Variants in ELOVL2 observed in about 807,000 individuals in gnomAD.
ELOVL2 encodes very long chain fatty acid elongase 2.
In ELOVL2, 38 loss-of-function variants were observed where a neutral mutation model predicts 37.7. That is an observed-to-expected ratio of 1.01 (90% CI 0.78 to 1.32). The LOEUF (loss-of-function observed/expected upper bound fraction) is 1.32, where lower values mean the gene tolerates loss of function less well. Among genes scored for constraint, ELOVL2 ranks in the 40% most tolerant of loss-of-function variants. The pLI, the probability that ELOVL2 is intolerant of heterozygous loss-of-function variation, is 0.00. For missense variants in ELOVL2, 352 were observed against 363.6 expected, an observed-to-expected ratio of 0.97 and a Z score of 0.26; for synonymous variants, 115 against 122.3, an observed-to-expected ratio of 0.94 and a Z score of 0.40.
chr6:11,002,109 T>G (rs1200833995), intron 3 of ELOVL2, among the ~76,000 whole-genome samples: 2 of 152,174 alleles, frequency 1.3e-5, no homozygotes, highest in Admixed American at 1.3e-4. Flanking sequence ...AGCTTTCCAT[T>G]ACACTTAGAG....
chr6:11,011,524 C>A lies in ELOVL2; in HGVS notation c.4-715G>T, dbSNP rs75335638. ...AACATCTGTTTCCACAAAATATATT[C>A]ATAAATCCAGTTTTAAAATGAAAAT... On this transcript the variant is annotated intron_variant, in intron 1 of 7. Transcript: ENST00000354666. Among the ~76,000 whole-genome samples, 454 of 152,274 alleles carry A rather than the reference C, an allele frequency of 3.0e-3. 3 individuals carry two copies. Among genetic ancestry groups the A allele is most frequent in the South Asian group, 0.021 (100 of 4,822 alleles).
At chr6:11,037,473 A>T (rs1399696001) in intron 1 of ELOVL2, among the ~76,000 whole-genome samples, 1 of 151,978 alleles carries the variant, frequency 6.6e-6, no homozygotes, top group Non-Finnish European at 1.5e-5. Flanking sequence ...ACCATATATG[A>T]TATCAAAATT....
At chr6:11,019,762 T>C (rs1301711920) in intron 1 of ELOVL2, among the ~76,000 whole-genome samples, 1 of 150,346 alleles carries the variant, frequency 6.7e-6, no homozygotes, top group African/African-American at 2.5e-5. Flanking sequence ...GTTTGTTTTT[T>C]TGATAGAGTC....
Position 10,982,685 on chromosome 6 carries a change from G to A in ELOVL2, c.*1096C>T, listed in dbSNP as rs1781960855. ...TGCCAAACTGGCATTTTTTATCGTG[G>A]CTCATGACCGGCCCACGGCTCAGTG... On this transcript the variant is annotated 3_prime_UTR_variant, in exon 8 of 8. Transcript: ENST00000354666. 1 of 152,152 alleles carries A rather than the reference G, an allele frequency of 6.6e-6. No individual in the cohort carries two copies. The highest frequency in any genetic ancestry group is 2.1e-4 in the South Asian group (1 of 4,832). The allele number at this position is 152,152 out of a possible 1,614,324, so 9.4% of individuals were successfully genotyped here.
At chr6:10,983,932 G>C (rs766850068) in intron 7 of ELOVL2, 26 bp from the exon 8 acceptor site, 6 of 1,584,014 alleles carry the variant, frequency 3.8e-6, no homozygotes, top group Non-Finnish European at 5.1e-6. Context: ...ATTTTGAAGA[G>C]AAAAATAAAA....
At chr6:11,021,153 G>T (rs993500535) in intron 1 of ELOVL2, among the ~76,000 whole-genome samples, 2 of 152,196 alleles carry the variant, frequency 1.3e-5, no homozygotes, top group Admixed American at 6.5e-5. Flanking sequence ...CAAATCCTCA[G>T]ATGTCCTCTT....
intron 6 of ELOVL2, 106 bp from the exon 7 acceptor site, chr6:10,989,943 A>G: frequency 1.5e-6 from 2 of 1,322,474 alleles, no homozygotes; most frequent in South Asian, 2.9e-5. Flanking sequence ...GACTCTTGGA[A>G]TTATGTAGGA....
At chr6:11,027,713 GATAA>G (rs1782859627) in intron 1 of ELOVL2, among the ~76,000 whole-genome samples, 7 of 33,706 alleles carry the variant, frequency 2.1e-4, no homozygotes, top group African/African-American at 4.1e-4. Context: ...AGCAGCCTAA[GATAA>G]GGAAATTCAA....
chr6:11,034,685 T>C (rs577430785), intron 1 of ELOVL2, among the ~76,000 whole-genome samples: 2 of 144,750 alleles, frequency 1.4e-5, no homozygotes, highest in South Asian at 4.4e-4. Context: ...TTTTTCTCAA[T>C]AAATAAATAA....
intron 3 of ELOVL2, among the ~76,000 whole-genome samples, chr6:11,001,165 TAG>T (rs777100360): frequency 1.6e-4 from 25 of 152,232 alleles, no homozygotes; most frequent in Non-Finnish European, 2.5e-4. Context: ...AATTAATTGT[TAG>T]AGAGAGAGAG....
At chr6:10,984,266 C>T (rs1234126816) in intron 7 of ELOVL2, among the ~76,000 whole-genome samples, 8 of 152,188 alleles carry the variant, frequency 5.3e-5, no homozygotes, top group Admixed American at 2.6e-4. Flanking sequence ...GATCCACCCG[C>T]CTCGGCCTCC....
At chr6:11,041,432 G>A (rs1783095993) in intron 1 of ELOVL2, among the ~76,000 whole-genome samples, 2 of 152,094 alleles carry the variant, frequency 1.3e-5, no homozygotes, top group Non-Finnish European at 2.9e-5. Flanking sequence ...TACCCAACTG[G>A]ATACTTTAAA....
chr6:11,007,951 A>C (rs1420887653), intron 2 of ELOVL2, among the ~76,000 whole-genome samples: 1 of 152,190 alleles, frequency 6.6e-6, no homozygotes, highest in African/African-American at 2.4e-5. Context: ...TAGTTGTTTT[A>C]GCCAAAAGAT....
intron 3 of ELOVL2, among the ~76,000 whole-genome samples, chr6:11,003,284 C>T (rs1782422300): frequency 6.6e-6 from 1 of 152,176 alleles, no homozygotes; most frequent in African/African-American, 2.4e-5. Context: ...AGGTATTTGT[C>T]CCAGTGCTCT....
chr6:11,025,010 A>G (rs1294964664), intron 1 of ELOVL2, among the ~76,000 whole-genome samples: 1 of 152,216 alleles, frequency 6.6e-6, no homozygotes, highest in Admixed American at 6.5e-5. Flanking sequence ...TGGAAACTAA[A>G]GATTTCAGTG....
chr6:11,011,599 CT>C (rs1782584717), intron 1 of ELOVL2, among the ~76,000 whole-genome samples: 1 of 152,170 alleles, frequency 6.6e-6, no homozygotes, highest in South Asian at 2.1e-4. Context: ...TTAAGTAGGA[CT>C]GTTTTTCAAG....
rs113143160 is a variant in ELOVL2, at chr6:11,029,333, C to G, written c.3+14895G>C. Among the ~76,000 whole-genome samples, 1,203 of 151,596 alleles carry G rather than the reference C, an allele frequency of 7.9e-3. 22 individuals carry two copies. The highest frequency in any genetic ancestry group is 0.028 in the African/African-American group (1,150 of 41,218). ...TTTTGGCTCTGACACTAAGTCGCTG[C>G]GTAACTTTGGGCCAAATGTTATCTT... On this transcript the variant is annotated intron_variant, in intron 1 of 7. Coordinates refer to ENST00000354666, the MANE Select transcript of ELOVL2 (RefSeq NM_017770.4).
intron 5 of ELOVL2, 118 bp downstream of exon 5, chr6:10,994,889 C>T (rs778626629): frequency 8.8e-6 from 7 of 794,868 alleles, no homozygotes; most frequent in African/African-American, 3.5e-5. Flanking sequence ...GCGGCAAGGC[C>T]GGCGCTCTAG....
At chr6:10,995,237 C>T (rs1355114034) in intron 4 of ELOVL2, 59 bp from the exon 5 acceptor site, 1 of 1,328,902 alleles carries the variant, frequency 7.5e-7, no homozygotes, top group Admixed American at 2.1e-5. Context: ...CTGGTGCTGC[C>T]CCACTGCTCG....
Sources: allele counts gnomAD v4.1 joint callset (sites outside exome capture counted in the v4.1 genomes callset), GRCh38; gene constraint gnomAD v4.1.1; transcripts MANE v1.5; gene names NCBI Gene and HGNC (gene_info 2026-07-23, HGNC 2026-07-21).